Variants in PDIA3 observed in about 807,000 individuals in gnomAD.
PDIA3 encodes the protein protein disulfide isomerase family A member 3.
Under a neutral mutation model 56.9 loss-of-function variants are expected in PDIA3, and 16 were observed. That is an observed-to-expected ratio of 0.28 (90% CI 0.19 to 0.43). The LOEUF (loss-of-function observed/expected upper bound fraction) is 0.43. Ranked by LOEUF, PDIA3 falls within the 20% of genes least tolerant of loss-of-function variation. The pLI, the probability that PDIA3 is intolerant of heterozygous loss-of-function variation, is 1.00. For missense variants in PDIA3, 485 were observed against 621.3 expected (o/e 0.78, Z 2.33); for synonymous variants, 192 against 216.5 (o/e 0.89, Z 0.99).
intron 5 of PDIA3, among the ~76,000 whole-genome samples, chr15:43,765,068 C>T (rs1036821638): frequency 1.3e-5 from 2 of 152,068 alleles, no homozygotes; most frequent in African/African-American, 4.8e-5. Context: ...TTAAAAGTGG[C>T]AGCAAAAGTA....
intron 4 of PDIA3, 38 bp from the exon 5 acceptor site, chr15:43,763,039 T>A (rs370431967): frequency 1.2e-6 from 2 of 1,603,662 alleles, no homozygotes; most frequent in African/African-American, 2.7e-5. Flanking sequence ...CTGTCAGCAC[T>A]TATTGCTTCT....
intron 5 of PDIA3, 57 bp from the exon 6 acceptor site, chr15:43,765,393 A>T: frequency 1.7e-5 from 16 of 924,494 alleles, no homozygotes; most frequent in Non-Finnish European, 2.8e-5. Context: ...AAAAAAAAAG[A>T]TGGGAGACAG....
chr15:43,765,716 G>A, intron 6 of PDIA3, 150 bp downstream of exon 6: 1 of 850,764 alleles, frequency 1.2e-6, no homozygotes, highest in East Asian at 2.4e-5. Flanking sequence ...AAGCAGTAAT[G>A]TGTGGGTGTT....
Position 43,773,131 on chromosome 15 carries a change from C to A in PDIA3, c.*1913C>A. The A allele has an allele frequency of 6.2e-7, 1 of 1,608,454 alleles. No individual in the cohort carries two copies. The highest frequency in any genetic ancestry group is 1.7e-5 in the Admixed American group (1 of 58,130). On this transcript the variant is annotated 3_prime_UTR_variant, in exon 13 of 13. Coordinates refer to ENST00000300289, the MANE Select transcript of PDIA3 (RefSeq NM_005313.5). ...CTTGATAACTTCAGCTGCCCCTGTT[C>A]TTTTCCTCAAACTCCAGGATGAGAC...
chr15:43,763,400 G>A (rs906387302), intron 5 of PDIA3, among the ~76,000 whole-genome samples, 194 bp downstream of exon 5: 1 of 152,060 alleles, frequency 6.6e-6, no homozygotes, highest in Admixed American at 6.6e-5. Context: ...GTACAGGCAC[G>A]CGCCACCACA....
chr15:43,771,738 G>A lies in PDIA3; in HGVS notation c.*520G>A. Reference sequence around the variant, plus strand: ...TAGCCATACAGTTGCTACCATACTGGTCACGGCAGCTGTAGACTGACTGGG... The same window carrying A: ...TAGCCATACAGTTGCTACCATACTGATCACGGCAGCTGTAGACTGACTGGG... On this transcript the variant is annotated 3_prime_UTR_variant, in exon 13 of 13. Transcript: ENST00000300289. 1 of 397,978 alleles carries A rather than the reference G, an allele frequency of 2.5e-6. No homozygotes were observed. The highest frequency in any genetic ancestry group is 4.4e-6 in the Non-Finnish European group (1 of 226,192). The allele number at this position is 397,978 out of a possible 1,614,324, so 24.7% of individuals were successfully genotyped here. A position where few individuals can be genotyped will look rare whatever the true frequency, so the allele number is the denominator to read the frequency against.
chr15:43,756,270 C>T (rs1486421133), intron 2 of PDIA3, among the ~76,000 whole-genome samples: 2 of 152,162 alleles, frequency 1.3e-5, no homozygotes, highest in Admixed American at 6.5e-5. Flanking sequence ...GTACCACCAT[C>T]GATATATCCC....
intron 3 of PDIA3, among the ~76,000 whole-genome samples, chr15:43,758,648 A>G (rs2086795103): frequency 7.8e-6 from 1 of 128,038 alleles, no homozygotes. Flanking sequence ...ACAACGCAAG[A>G]CTCCGTCTCA....
chr15:43,766,120 T>C (rs1030641781), intron 7 of PDIA3, 108 bp downstream of exon 7: 1 of 780,386 alleles, frequency 1.3e-6, no homozygotes, highest in South Asian at 3.0e-5. Context: ...AATAAATGGT[T>C]CCTTAAGAAG....
chr15:43,771,241 G>A lies in PDIA3; in HGVS notation c.*23G>A, dbSNP rs1485545348. ...TAAAGCAGTAGCCAAACACCACTTT[G>A]TAAAAGGACTCTTCCATCAGAGATG... On this transcript the variant is annotated 3_prime_UTR_variant, in exon 13 of 13. Coordinates refer to ENST00000300289, the MANE Select transcript of PDIA3 (RefSeq NM_005313.5). 4 of 1,434,178 alleles carry A rather than the reference G, an allele frequency of 2.8e-6. No homozygotes were observed. The highest frequency in any genetic ancestry group is 3.9e-6 in the Non-Finnish European group (4 of 1,021,802). 88.8% of individuals were successfully genotyped at this position (1,434,178 alleles called of 1,614,324 possible). A position where few individuals can be genotyped will look rare whatever the true frequency, so the allele number is the denominator to read the frequency against.
In PDIA3 at chr15:43,768,565, C is replaced by T. The variant is rs1421358864; in HGVS notation, c.1105C>T (p.Pro369Ser). The change falls in exon 9 of 13, where the codon CCT (proline) becomes TCT (serine). Residue 369 changes from proline to serine, a missense_variant. By Grantham distance (74) the Pro-to-Ser change is moderately conservative. Coordinates refer to ENST00000300289, the MANE Select transcript of PDIA3 (RefSeq NM_005313.5). ...TCTGAAGAGATACCTGAAGTCTGAA[C>T]CTATCCCAGAGAGCAATGATGGGCC... ...GNLKRYLKSE[P>S]IPESNDGPVK... 2 of 1,613,214 alleles carry T rather than the reference C, an allele frequency of 1.2e-6. No individual in the cohort carries two copies. Among genetic ancestry groups the T allele is most frequent in the African/African-American group, 1.3e-5 (1 of 75,008 alleles).
intron 1 of PDIA3, among the ~76,000 whole-genome samples, chr15:43,750,668 G>A (rs575344652): frequency 1.3e-5 from 2 of 151,472 alleles, no homozygotes; most frequent in Non-Finnish European, 2.9e-5. Flanking sequence ...CCAGCTACTC[G>A]GGAGGCTGAG....
chr15:43,760,214 G>C (rs1486959567), intron 3 of PDIA3, among the ~76,000 whole-genome samples: 2 of 151,976 alleles, frequency 1.3e-5, no homozygotes, highest in African/African-American at 4.8e-5. Flanking sequence ...AACATAGTGA[G>C]ACCCCGTCTT....
intron 3 of PDIA3, among the ~76,000 whole-genome samples, chr15:43,757,402 C>CA (rs1253627561): frequency 6.6e-6 from 1 of 151,192 alleles, no homozygotes; most frequent in African/African-American, 2.4e-5. Flanking sequence ...ACCAAAAATA[C>CA]AAAAAATTAG....
chr15:43,759,134 C>A (rs887086887), intron 3 of PDIA3, among the ~76,000 whole-genome samples: 4 of 151,924 alleles, frequency 2.6e-5, no homozygotes, highest in Admixed American at 6.6e-5. Flanking sequence ...ACTAAAAATA[C>A]AAAAAATTAG....
At chr15:43,747,831 A>T (rs965054698) in intron 1 of PDIA3, among the ~76,000 whole-genome samples, 11 of 152,174 alleles carry the variant, frequency 7.2e-5, no homozygotes, top group African/African-American at 2.4e-4. Context: ...TTACACGAAA[A>T]AAGTCCTGTA....
At chr15:43,755,128 C>T (rs1467699416) in intron 2 of PDIA3, among the ~76,000 whole-genome samples, 1 of 152,080 alleles carries the variant, frequency 6.6e-6, no homozygotes. Context: ...GAGTTCGAGA[C>T]CCGCCTGGCC....
intron 11 of PDIA3, 69 bp from the exon 12 acceptor site, chr15:43,770,454 C>A: frequency 1.5e-6 from 2 of 1,378,898 alleles, no homozygotes; most frequent in South Asian, 1.2e-5. Context: ...CTGATTCCTT[C>A]TTGGCTTAAG....
chr15:43,766,808 A>G lies in PDIA3; in HGVS notation c.926A>G (p.His309Arg), dbSNP rs768295623. Residue 309 changes from histidine (H) to arginine (R), a missense_variant, in exon 8 of 13, where the codon CAT becomes CGT. By Grantham distance (29) the His-to-Arg change is conservative (BLOSUM62 0). Transcript: ENST00000300289. ...FAVASRKTFS[H>R]ELSDFGLEST... Reference sequence around the variant, plus strand: ...GTAGCTAGCCGCAAAACCTTTAGCCATGAACTTTCTGATTTTGGCTTGGAG... The same window carrying G: ...GTAGCTAGCCGCAAAACCTTTAGCCGTGAACTTTCTGATTTTGGCTTGGAG... 29 of 1,613,650 alleles carry G rather than the reference A, an allele frequency of 1.8e-5. No individual in the cohort carries two copies. The highest frequency in any genetic ancestry group is 2.3e-5 in the Non-Finnish European group (27 of 1,179,526).
Sources: gnomAD v4.1 joint callset for allele counts (sites outside exome capture counted in the v4.1 genomes callset) on GRCh38, gnomAD v4.1.1 for gene constraint, MANE v1.5 for transcripts, NCBI Gene and HGNC (gene_info 2026-07-23, HGNC 2026-07-21) for gene names.